The following SHB variants were observed in gnomAD, a reference collection of about 807,000 sequenced individuals.
SHB encodes the protein SH2 domain containing adaptor protein B.
Under a neutral mutation model 52.3 loss-of-function variants are expected in SHB, and 20 were observed. That is an observed-to-expected ratio of 0.38 (90% confidence interval 0.27 to 0.56). SHB has a LOEUF of 0.56. SHB is among the 20% of genes least tolerant of loss of function. The pLI is 0.71. For missense variants in SHB, 825 were observed against 723.3 expected, an observed-to-expected ratio of 1.14 and a Z score of -1.61; for synonymous variants, 397 against 316.5, an observed-to-expected ratio of 1.25 and a Z score of -2.70.
intron 2 of SHB, among the ~76,000 whole-genome samples, chr9:38,004,983 T>G (rs1185480404): frequency 6.6e-6 from 1 of 152,222 alleles, no homozygotes. Flanking sequence ...CAGCAAGTTC[T>G]GGATGAGGGG....
chr9:38,043,039 G>A (rs566051241), intron 1 of SHB, among the ~76,000 whole-genome samples: 2 of 152,178 alleles, frequency 1.3e-5, no homozygotes, highest in African/African-American at 2.4e-5. Context: ...GCCAAACTCC[G>A]TGCTTTTGGC....
At chr9:37,935,129 G>A (rs937777463) in intron 5 of SHB, among the ~76,000 whole-genome samples, 13 of 152,354 alleles carry the variant, frequency 8.5e-5, no homozygotes, top group African/African-American at 3.1e-4. Flanking sequence ...TTTGGAGACT[G>A]TGAGTCTGAA....
intron 2 of SHB, among the ~76,000 whole-genome samples, chr9:37,981,404 T>G (rs1176509632): frequency 6.6e-6 from 1 of 152,244 alleles, no homozygotes; most frequent in African/African-American, 2.4e-5. Context: ...TCTCTCAGCC[T>G]TCACAGAATT....
At chr9:37,939,123 T>C (rs1033131487) in intron 5 of SHB, among the ~76,000 whole-genome samples, 3 of 152,322 alleles carry the variant, frequency 2.0e-5, no homozygotes, top group East Asian at 1.9e-4. Context: ...CAGGGCCAGA[T>C]AGGGCTTCCT....
At chr9:37,973,889 G>C (rs1397292501) in intron 3 of SHB, among the ~76,000 whole-genome samples, 1 of 152,144 alleles carries the variant, frequency 6.6e-6, no homozygotes, top group Admixed American at 6.5e-5. Context: ...GGGATCAATG[G>C]GCCCGCTGAG....
intron 2 of SHB, among the ~76,000 whole-genome samples, chr9:38,001,849 G>C (rs1297310737): frequency 2.6e-5 from 4 of 152,246 alleles, no homozygotes; most frequent in African/African-American, 7.2e-5. Context: ...GACCTCTGTA[G>C]ATAACAGCCC....
At chr9:38,013,707 G>C (rs1178360724) in intron 2 of SHB, among the ~76,000 whole-genome samples, 2 of 152,298 alleles carry the variant, frequency 1.3e-5, no homozygotes, top group South Asian at 2.1e-4. Flanking sequence ...CCATTCCTAA[G>C]GCACCAGGCA....
In SHB at chr9:38,016,125, T is replaced by C. The variant is rs993690135; in HGVS notation, c.724A>G (p.Ile242Val). ...AAGGGATCTGAGTAGTCATCGGCTA[T>C]GGTCACCTGCAGGGAGGAAGATGGC... ...SGAGKKDKVTIADDYSDPFDA... is the reference protein window; with the variant it reads ...SGAGKKDKVTVADDYSDPFDA... Residue 242 changes from isoleucine (I) to valine (V), a missense_variant, in exon 2 of 6, where the codon ATA becomes GTA. Transcript: ENST00000377707. 20 of 1,614,190 alleles carry C rather than the reference T, an allele frequency of 1.2e-5. No individual in the cohort carries two copies. Among genetic ancestry groups the C allele is most frequent in the Non-Finnish European group, 1.5e-5 (18 of 1,180,006 alleles).
chr9:38,058,710 T>C (rs1437496610), intron 1 of SHB, among the ~76,000 whole-genome samples: 1 of 152,178 alleles, frequency 6.6e-6, no homozygotes, highest in African/African-American at 2.4e-5. Flanking sequence ...GCTGCCTTCA[T>C]ACCTCCTCCT....
At chr9:38,001,255 G>A (rs1821009842) in intron 2 of SHB, among the ~76,000 whole-genome samples, 1 of 152,154 alleles carries the variant, frequency 6.6e-6, no homozygotes, top group Non-Finnish European at 1.5e-5. Context: ...ATGGCTCTTT[G>A]GTAATCCTGA....
chr9:38,046,327 A>G (rs1417017447), intron 1 of SHB, among the ~76,000 whole-genome samples: 2 of 152,268 alleles, frequency 1.3e-5, no homozygotes, highest in Non-Finnish European at 2.9e-5. Context: ...CAGAGGCAAC[A>G]GAAACCGTGT....
intron 3 of SHB, among the ~76,000 whole-genome samples, chr9:37,966,120 T>G (rs779682908): frequency 1.3e-5 from 2 of 152,192 alleles, no homozygotes; most frequent in South Asian, 4.1e-4. Flanking sequence ...ATTACAGGCG[T>G]AAGCCACTGC....
At chr9:38,043,490 C>A (rs1225782565) in intron 1 of SHB, among the ~76,000 whole-genome samples, 1 of 152,192 alleles carries the variant, frequency 6.6e-6, no homozygotes, top group East Asian at 1.9e-4. Flanking sequence ...TGAAGGCAGC[C>A]ACCTTTAGAT....
rs142130369 is a variant in SHB at position 37,999,372 on chromosome 9, G to A, written c.838+16639C>T. ...GGTGAAGGAAGCCTGCTGCAGACTC[G>A]GGGTGACCAGGAGCTCAAATGGCTG... On this transcript the variant is annotated intron_variant, in intron 2 of 5. Coordinates refer to ENST00000377707, the MANE Select transcript of SHB (RefSeq NM_003028.3). Among the ~76,000 whole-genome samples, 1,286 of 152,268 alleles carry A rather than the reference G, an allele frequency of 8.4e-3. 15 individuals carry two copies. The highest frequency in any genetic ancestry group is 0.01 in the Middle Eastern group (3 of 294).
At chr9:38,034,455 T>TC (rs918320309) in intron 1 of SHB, among the ~76,000 whole-genome samples, 1 of 152,182 alleles carries the variant, frequency 6.6e-6, no homozygotes, top group African/African-American at 2.4e-5. Context: ...CTTTGGGAGG[T>TC]CCCCTGTGGC....
At chr9:38,027,838 G>A (rs755765161) in intron 1 of SHB, among the ~76,000 whole-genome samples, 5 of 152,018 alleles carry the variant, frequency 3.3e-5, no homozygotes, top group Non-Finnish European at 7.4e-5. Context: ...GGCCAGACTG[G>A]GGAGGCAGAA....
At position 37,947,390 on chromosome 9, in the gene SHB, G is replaced by T. The variant is rs564933121; in HGVS notation, c.1346+1245C>A. ...TGGCTATTAGGAAACTTTTCCTCTT[G>T]CAGAGCTGGAATCTGTCTATGCATT... On this transcript the variant is annotated intron_variant, in intron 5 of 5. Coordinates refer to ENST00000377707, the MANE Select transcript of SHB (RefSeq NM_003028.3). 2.0e-5 allele frequency among the ~76,000 whole-genome samples: 3 copies of T among 152,194 alleles called. No homozygotes were observed. In the East Asian group the frequency reaches 5.8e-4, roughly 29 times the overall value.
At chr9:37,941,179 G>A (rs1832430275) in intron 5 of SHB, among the ~76,000 whole-genome samples, 1 of 152,170 alleles carries the variant, frequency 6.6e-6, no homozygotes, top group Non-Finnish European at 1.5e-5. Flanking sequence ...GAGACTTCCA[G>A]GTTGAACCCA....
At position 38,012,096 on chromosome 9, in the gene SHB, C is replaced by T. The variant is rs112459400; in HGVS notation, c.838+3915G>A. 8.3e-4 allele frequency among the ~76,000 whole-genome samples: 126 copies of T among 152,262 alleles called. 3 individuals are homozygous for T. Among genetic ancestry groups the T allele is most frequent in the African/African-American group, 2.9e-3 (121 of 41,536 alleles). On this transcript the variant is annotated intron_variant, in intron 2 of 5. Transcript: ENST00000377707. ...GCCCCTGGGAGAAACAGGCACACTT[C>T]CTCACGCCTTCCATCCTAGCTGTAG... is the stretch of plus-strand genomic sequence containing the variant.
Sources: gnomAD v4.1 joint callset for allele counts (sites outside exome capture counted in the v4.1 genomes callset) on GRCh38, gnomAD v4.1.1 for gene constraint, MANE v1.5 for transcripts, NCBI Gene and HGNC (gene_info 2026-07-23, HGNC 2026-07-21) for gene names.